CNTN4: variants seen among roughly 807,000 people sequenced by gnomAD.
CNTN4 encodes the protein contactin-4.
In CNTN4, 77 loss-of-function variants were observed where a neutral mutation model predicts 122.5. That is an observed-to-expected ratio of 0.63 (90% CI 0.52 to 0.76). CNTN4 has a LOEUF of 0.76. Among genes scored for constraint, CNTN4 ranks in the 30% least tolerant of loss-of-function variants. The pLI is 0.00. For synonymous variants in CNTN4, 512 were observed against 447.0 expected, an observed-to-expected ratio of 1.15 and a Z score of -1.83; for missense variants, 1,256 against 1,259.1, an observed-to-expected ratio of 1.00 and a Z score of 0.04.
chr3:2,964,824 C>T (rs911304918), intron 13 of CNTN4, among the ~76,000 whole-genome samples: 2 of 152,150 alleles, frequency 1.3e-5, no homozygotes, highest in African/African-American at 4.8e-5. Flanking sequence ...ATTGAAGTCG[C>T]ACAACTAGAA....
chr3:2,834,245 A>G (rs1010211421), intron 7 of CNTN4, among the ~76,000 whole-genome samples: 7 of 152,200 alleles, frequency 4.6e-5, no homozygotes, highest in Admixed American at 4.6e-4. Context: ...GATATGTACC[A>G]TCTAAGTTGC....
At chr3:2,886,887 A>C (rs1172975997) in intron 9 of CNTN4, among the ~76,000 whole-genome samples, 153 bp from the exon 10 acceptor site, 1 of 152,206 alleles carries the variant, frequency 6.6e-6, no homozygotes, top group Non-Finnish European at 1.5e-5. Context: ...AGAGATGTGG[A>C]TATGATTAAA....
chr3:2,819,642 T>G (rs1257611654), intron 7 of CNTN4, 61 bp downstream of exon 7: 1 of 1,217,938 alleles, frequency 8.2e-7, no homozygotes, highest in Non-Finnish European at 1.2e-6. Context: ...TTCCTCAATG[T>G]TCTCCCTCCT....
intron 18 of CNTN4, among the ~76,000 whole-genome samples, chr3:3,038,425 G>A (rs1164011200): frequency 6.6e-6 from 1 of 152,126 alleles, no homozygotes; most frequent in South Asian, 2.1e-4. Flanking sequence ...CCCCAGCTCT[G>A]AGCAGGGCGC....
At chr3:2,537,575 T>C in intron 3 of CNTN4, among the ~76,000 whole-genome samples, 1 of 152,096 alleles carries the variant, frequency 6.6e-6, no homozygotes, top group East Asian at 1.9e-4. Flanking sequence ...ATTTGTCATA[T>C]GTATCTGCTT....
chr3:2,583,386 T>TTCAC (rs2080036781), intron 4 of CNTN4, among the ~76,000 whole-genome samples: 1 of 152,248 alleles, frequency 6.6e-6, no homozygotes, highest in African/African-American at 2.4e-5. Context: ...TTCACATGGC[T>TTCAC]AAGTGCTTTC....
intron 2 of CNTN4, among the ~76,000 whole-genome samples, chr3:2,192,509 A>G (rs969094320): frequency 3.9e-5 from 6 of 152,246 alleles, no homozygotes; most frequent in South Asian, 4.2e-4. Flanking sequence ...AACCTGCAGA[A>G]TGGGAGAAAA....
At chr3:2,436,998 G>A (rs1160920048) in intron 3 of CNTN4, among the ~76,000 whole-genome samples, 2 of 151,746 alleles carry the variant, frequency 1.3e-5, no homozygotes, top group East Asian at 3.9e-4. Flanking sequence ...TTTTTCTTTA[G>A]AGTATAGAAT....
In CNTN4 at chr3:2,808,726, G is replaced by C. The variant is rs150133238; in HGVS notation, c.359-10760G>C. 5.9e-3 allele frequency among the ~76,000 whole-genome samples: 902 copies of C among 152,300 alleles called. 6 individuals are homozygous for C. Among genetic ancestry groups the C allele is most frequent in the Admixed American group, 0.012 (176 of 15,280 alleles). On this transcript the variant is annotated intron_variant, in intron 6 of 24. Transcript: ENST00000418658. ...AAGCAATAACTCCAGTTCATATGTT[G>C]ATTACATTCCAATTTTAATTTATCT...
intron 4 of CNTN4, among the ~76,000 whole-genome samples, chr3:2,661,621 T>C (rs1036279806): frequency 7.9e-5 from 12 of 151,944 alleles, no homozygotes; most frequent in African/African-American, 2.7e-4. Flanking sequence ...AAGACCAGCC[T>C]GACCAACATG....
At chr3:2,786,654 C>T (rs1559502815) in intron 6 of CNTN4, among the ~76,000 whole-genome samples, 5 of 152,202 alleles carry the variant, frequency 3.3e-5, no homozygotes, top group Admixed American at 3.3e-4. Flanking sequence ...CAAAACCCAT[C>T]TCTATCATTT....
At chr3:2,125,977 G>A (rs995946600) in intron 2 of CNTN4, among the ~76,000 whole-genome samples, 5 of 150,428 alleles carry the variant, frequency 3.3e-5, no homozygotes, top group Non-Finnish European at 5.9e-5. Flanking sequence ...GTCATATTTA[G>A]GATATACCTC....
At chr3:2,786,026 A>G (rs907611856) in intron 6 of CNTN4, among the ~76,000 whole-genome samples, 1 of 151,838 alleles carries the variant, frequency 6.6e-6, no homozygotes, top group Admixed American at 6.6e-5. Context: ...ATCGGAGACT[A>G]CAATCGGAGA....
intron 6 of CNTN4, among the ~76,000 whole-genome samples, chr3:2,807,321 A>C (rs1443089646): frequency 6.6e-6 from 1 of 152,212 alleles, no homozygotes; most frequent in Non-Finnish European, 1.5e-5. Context: ...TCGATGATGA[A>C]TGAACACGTA....
intron 4 of CNTN4, among the ~76,000 whole-genome samples, chr3:2,639,151 C>T (rs924792564): frequency 6.6e-6 from 1 of 152,166 alleles, no homozygotes; most frequent in Non-Finnish European, 1.5e-5. Context: ...CATTGACTCT[C>T]CATTTTACTC....
At chr3:2,410,318 CAT>C (rs1192463514) in intron 3 of CNTN4, among the ~76,000 whole-genome samples, 2 of 152,170 alleles carry the variant, frequency 1.3e-5, no homozygotes, top group African/African-American at 2.4e-5. Flanking sequence ...CTGTAAGAGT[CAT>C]AGTTTTTAGA....
chr3:2,368,721 G>A (rs547030822), intron 3 of CNTN4, among the ~76,000 whole-genome samples: 4 of 152,074 alleles, frequency 2.6e-5, no homozygotes, highest in Non-Finnish European at 5.9e-5. Flanking sequence ...ACTGCATTAG[G>A]AGATCATTAT....
At chr3:2,114,609 G>C (rs2033211929) in intron 2 of CNTN4, among the ~76,000 whole-genome samples, 1 of 152,202 alleles carries the variant, frequency 6.6e-6, no homozygotes, top group Admixed American at 6.5e-5. Context: ...CATTTACACA[G>C]TTTCATAGAC....
chr3:2,772,063 G>A (rs983434025), intron 6 of CNTN4, among the ~76,000 whole-genome samples: 1 of 152,150 alleles, frequency 6.6e-6, no homozygotes, highest in Admixed American at 6.5e-5. Flanking sequence ...GAGAGAGAGA[G>A]CTAAGGCGGG....
Sources: gnomAD v4.1 joint callset for allele counts (sites outside exome capture counted in the v4.1 genomes callset) on GRCh38, gnomAD v4.1.1 for gene constraint, MANE v1.5 for transcripts, NCBI Gene and HGNC (gene_info 2026-07-23, HGNC 2026-07-21) for gene names.